Variants in THSD7B observed in about 807,000 individuals in gnomAD.
THSD7B encodes thrombospondin type-1 domain-containing protein 7B.
Under a neutral mutation model 213.6 loss-of-function variants are expected in THSD7B, and 138 were observed. The observed-to-expected ratio is 0.65, with a 90% CI of 0.56 to 0.74. The LOEUF (loss-of-function observed/expected upper bound fraction) is 0.74, where lower values mean the gene tolerates loss of function less well. Ranked by LOEUF, THSD7B falls within the 30% of genes least tolerant of loss-of-function variation. The pLI is 0.00. For missense variants in THSD7B, 1,931 were observed against 1,991.5 expected, an observed-to-expected ratio of 0.97 and a Z score of 0.58; for synonymous variants, 742 against 687.0, an observed-to-expected ratio of 1.08 and a Z score of -1.25.
At chr2:136,798,433 G>A (rs2104919793) in intron 1 of THSD7B, among the ~76,000 whole-genome samples, 1 of 151,996 alleles carries the variant, frequency 6.6e-6, no homozygotes. Context: ...GATTATGATG[G>A]GTAGGGAAAG....
intron 2 of THSD7B, among the ~76,000 whole-genome samples, chr2:136,888,485 T>C (rs1683758476): frequency 6.6e-6 from 1 of 152,124 alleles, no homozygotes; most frequent in Non-Finnish European, 1.5e-5. Flanking sequence ...AAATAAAATG[T>C]TCTTAGGAGA....
At chr2:136,980,119 G>C (rs1266284757) in intron 2 of THSD7B, among the ~76,000 whole-genome samples, 1 of 152,158 alleles carries the variant, frequency 6.6e-6, no homozygotes, top group Non-Finnish European at 1.5e-5. Context: ...CTGCAGAACA[G>C]CAAGGATGGC....
chr2:136,852,971 A>T lies in THSD7B; in HGVS notation c.-35-29173A>T, dbSNP rs72977563. 9.7e-3 allele frequency among the ~76,000 whole-genome samples: 1,481 copies of T among 152,140 alleles called. 31 individuals are homozygous for T. Among genetic ancestry groups the T allele is most frequent in the African/African-American group, 0.034 (1,421 of 41,508 alleles). ...AAGTACTTCTGCCTTCCTATCACTC[A>T]GTTTCCCTAATTGTTAACATTTTAT... On this transcript the variant is annotated intron_variant, in intron 1 of 27. Transcript: ENST00000409968.
At chr2:136,984,211 G>A (rs527835801) in intron 2 of THSD7B, among the ~76,000 whole-genome samples, 146 of 152,286 alleles carry the variant, frequency 9.6e-4, no homozygotes, top group Admixed American at 2.4e-3. Context: ...TGGTGAAGCT[G>A]TACAAGATGT....
intron 17 of THSD7B, among the ~76,000 whole-genome samples, chr2:137,605,326 T>C (rs1018785431): frequency 6.6e-6 from 1 of 152,212 alleles, no homozygotes; most frequent in African/African-American, 2.4e-5. Flanking sequence ...GCAAGTAATT[T>C]AACCTCAATA....
rs1478250640 is a variant in THSD7B, at chr2:137,676,704, A to G, written c.*99A>G. 9.3e-7 allele frequency: 1 copy of G among 1,072,090 alleles called. No individual in the cohort carries two copies. The allele number at this position is 1,072,090 out of a possible 1,614,324, so 66.4% of individuals were successfully genotyped here. ...GTTTTTTGAGGAATCTCAAGATGTGATATATTGGGCAGAATACAAATATTG... is the reference window on the plus strand; with the variant it reads ...GTTTTTTGAGGAATCTCAAGATGTGGTATATTGGGCAGAATACAAATATTG... On this transcript the variant is annotated 3_prime_UTR_variant, in exon 28 of 28. Transcript: ENST00000409968.
intron 12 of THSD7B, among the ~76,000 whole-genome samples, chr2:137,318,210 G>T (rs930997820): frequency 6.6e-6 from 1 of 152,068 alleles, no homozygotes; most frequent in Admixed American, 6.6e-5. Flanking sequence ...ATATCATCAG[G>T]GCTTGGGTTT....
At chr2:137,038,794 C>T (rs184844562) in intron 2 of THSD7B, among the ~76,000 whole-genome samples, 1 of 152,150 alleles carries the variant, frequency 6.6e-6, no homozygotes, top group East Asian at 1.9e-4. Context: ...AGCTGGCTGT[C>T]AACACTGTTG....
intron 15 of THSD7B, among the ~76,000 whole-genome samples, chr2:137,526,111 C>G (rs1680273090): frequency 6.6e-6 from 1 of 152,084 alleles, no homozygotes; most frequent in Admixed American, 6.6e-5. Context: ...ACTACTCTTA[C>G]TGCTTGGAGA....
At chr2:137,674,323 C>CAAGA (rs143925684) in intron 27 of THSD7B, among the ~76,000 whole-genome samples, 25,173 of 152,014 alleles carry the variant, frequency 0.17, 2,811 homozygotes, top group Middle Eastern at 0.26. Flanking sequence ...AAAAGAAAAC[C>CAAGA]AAGAGAGGTG....
chr2:137,370,951 T>A (rs1332224744), intron 12 of THSD7B, among the ~76,000 whole-genome samples: 1 of 152,182 alleles, frequency 6.6e-6, no homozygotes, highest in East Asian at 1.9e-4. Context: ...ATCTTTTTTT[T>A]TCATGCAGCA....
chr2:137,229,787 A>G (rs780462299), intron 7 of THSD7B, among the ~76,000 whole-genome samples: 10 of 152,154 alleles, frequency 6.6e-5, no homozygotes, highest in Admixed American at 2.6e-4. Context: ...GTGAGATGAG[A>G]TGGATCACAC....
In THSD7B at chr2:136,894,643, A is replaced by G. The variant is rs1037440287; in HGVS notation, c.139+12326A>G. 1.2e-4 allele frequency among the ~76,000 whole-genome samples: 19 copies of G among 152,290 alleles called. No individual in the cohort carries two copies. The East Asian group carries it at 1.5e-3, about 12-fold the overall frequency. Reference sequence around the variant, plus strand: ...TAATGCTACTTTTTATTTCTGGTAAATAGGTGTTACTTGAAGAGACTTATT... The same window carrying G: ...TAATGCTACTTTTTATTTCTGGTAAGTAGGTGTTACTTGAAGAGACTTATT... On this transcript the variant is annotated intron_variant, in intron 2 of 27. Coordinates refer to ENST00000409968, the MANE Select transcript of THSD7B (RefSeq NM_001316349.2).
chr2:137,414,395 A>AGT (rs147890074), intron 14 of THSD7B, among the ~76,000 whole-genome samples: 48 of 151,790 alleles, frequency 3.2e-4, no homozygotes, highest in East Asian at 7.8e-4. Context: ...ATAAAGACTT[A>AGT]GTGTGTGTGT....
chr2:136,942,308 T>C (rs1470275950), intron 2 of THSD7B, among the ~76,000 whole-genome samples: 5 of 152,190 alleles, frequency 3.3e-5, no homozygotes, highest in Non-Finnish European at 5.9e-5. Flanking sequence ...TATTTTTGGT[T>C]GGGATTGTCT....
chr2:137,520,001 C>T (rs749831296), intron 15 of THSD7B, among the ~76,000 whole-genome samples: 62 of 152,132 alleles, frequency 4.1e-4, no homozygotes, highest in South Asian at 2.1e-4. Flanking sequence ...ACGAAGAGCC[C>T]TGAGGCATGG....
intron 1 of THSD7B, among the ~76,000 whole-genome samples, chr2:136,810,928 G>A (rs1682365269): frequency 6.6e-6 from 1 of 152,200 alleles, no homozygotes; most frequent in Admixed American, 6.5e-5. Flanking sequence ...CCCTTGCACT[G>A]AATGTGGGGT....
chr2:137,495,678 C>A (rs1250602624), intron 15 of THSD7B, among the ~76,000 whole-genome samples: 6 of 152,148 alleles, frequency 3.9e-5, no homozygotes, highest in Admixed American at 3.9e-4. Context: ...TGCCTCTCAG[C>A]CTCTCCAAAT....
chr2:137,065,907 A>T (rs1471800661), intron 3 of THSD7B, among the ~76,000 whole-genome samples: 2 of 152,040 alleles, frequency 1.3e-5, no homozygotes, highest in Non-Finnish European at 2.9e-5. Context: ...TACCAAATAC[A>T]TTGTTGCTAT....
Sources: allele counts gnomAD v4.1 joint callset (sites outside exome capture counted in the v4.1 genomes callset), GRCh38; gene constraint gnomAD v4.1.1; transcripts MANE v1.5; gene names NCBI Gene and HGNC (gene_info 2026-07-23, HGNC 2026-07-21).